The following ANKHD1 variants were observed in gnomAD, a reference collection of about 807,000 sequenced individuals.
ANKHD1 encodes ankyrin repeat and KH domain-containing protein 1.
Under a neutral mutation model 230.5 loss-of-function variants are expected in ANKHD1, and 31 were observed. The ratio of observed to expected loss-of-function variants is 0.13; its 90% CI spans 0.10 to 0.18. ANKHD1 has a LOEUF of 0.18. Ranked by LOEUF, ANKHD1 falls within the 10% of genes least tolerant of loss-of-function variation. ANKHD1 has a pLI of 1.00. For synonymous variants in ANKHD1, 1,074 were observed against 1,117.6 expected, an observed-to-expected ratio of 0.96 and a Z score of 0.78; for missense variants, 2,256 against 3,071.3, an observed-to-expected ratio of 0.73 and a Z score of 6.27.
chr5:140,405,503 C>CT (rs1186442197), intron 1 of ANKHD1, among the ~76,000 whole-genome samples: 4 of 152,114 alleles, frequency 2.6e-5, no homozygotes, highest in Admixed American at 6.6e-5. Context: ...GAGCTGTCTT[C>CT]TTTTATTATT....
chr5:140,489,218 A>G (rs942432068), intron 14 of ANKHD1, among the ~76,000 whole-genome samples: 2 of 151,910 alleles, frequency 1.3e-5, no homozygotes, highest in African/African-American at 4.8e-5. Context: ...GAAAAAGAAA[A>G]AAAATTAGGC....
In ANKHD1 at chr5:140,405,449, G is replaced by A. The variant is rs555638092; in HGVS notation, c.306+3176G>A. On this transcript the variant is annotated intron_variant, in intron 1 of 33. Transcript: ENST00000360839. ...CTTTGTGAATAAAATGACCTGTTTT[G>A]GCCAAGCAAAAATTTTCCCTTTTCT... 9.2e-5 allele frequency among the ~76,000 whole-genome samples: 14 copies of A among 152,008 alleles called. No individual in the cohort carries two copies. The East Asian group carries it at 2.3e-3, about 25-fold the overall frequency.
At chr5:140,453,260 G>C (rs1774894564) in intron 7 of ANKHD1, among the ~76,000 whole-genome samples, 1 of 152,206 alleles carries the variant, frequency 6.6e-6, no homozygotes, top group South Asian at 2.1e-4. Context: ...AAGTGACGGG[G>C]AGAATGGAAC....
intron 31 of ANKHD1, 183 bp downstream of exon 31, chr5:140,537,772 T>C: frequency 9.7e-7 from 1 of 1,034,638 alleles, no homozygotes; most frequent in Non-Finnish European, 1.3e-6. Context: ...GGAATATTGG[T>C]TGAGGTAATA....
intron 1 of ANKHD1, among the ~76,000 whole-genome samples, chr5:140,419,786 CTT>C (rs1491589436): frequency 1.2e-3 from 81 of 64,900 alleles, no homozygotes; most frequent in South Asian, 2.4e-3. Flanking sequence ...TTCTTTCTTT[CTT>C]TCTTTCTTTC....
chr5:140,444,343 C>G (rs1383545986), intron 5 of ANKHD1, among the ~76,000 whole-genome samples: 3 of 152,080 alleles, frequency 2.0e-5, no homozygotes, highest in Non-Finnish European at 2.9e-5. Flanking sequence ...TAGTCAAGTT[C>G]GTATTTTAAT....
chr5:140,413,962 G>T (rs911743417), intron 1 of ANKHD1, among the ~76,000 whole-genome samples: 1 of 152,012 alleles, frequency 6.6e-6, no homozygotes, highest in Admixed American at 6.6e-5. Context: ...TGTATTTTTA[G>T]TGGAGATGGG....
chr5:140,427,895 T>C (rs1319312558), intron 1 of ANKHD1, among the ~76,000 whole-genome samples: 3 of 140,364 alleles, frequency 2.1e-5, no homozygotes, highest in Non-Finnish European at 4.6e-5. Flanking sequence ...GGCTGCCAGG[T>C]GGAGGGGCTC....
intron 24 of ANKHD1, among the ~76,000 whole-genome samples, chr5:140,515,280 C>CAA (rs745898740): frequency 7.8e-6 from 1 of 128,768 alleles, no homozygotes; most frequent in Non-Finnish European, 1.7e-5. Context: ...TCTGTCCCCC[C>CAA]AAAAAAAAAA....
intron 24 of ANKHD1, among the ~76,000 whole-genome samples, chr5:140,520,607 T>C (rs1223030085): frequency 6.6e-6 from 1 of 151,758 alleles, no homozygotes; most frequent in Non-Finnish European, 1.5e-5. Context: ...CCATAAAAAA[T>C]GATGAGTTCA....
intron 1 of ANKHD1, among the ~76,000 whole-genome samples, chr5:140,407,019 T>C (rs972452389): frequency 2.6e-5 from 4 of 151,360 alleles, no homozygotes; most frequent in African/African-American, 9.7e-5. Context: ...ACTTTAGGCC[T>C]GGTGCGGTGG....
intron 29 of ANKHD1, chr5:140,532,843 C>T (rs1282716249): frequency 3.3e-5 from 14 of 418,680 alleles, no homozygotes; most frequent in Non-Finnish European, 5.7e-5. Context: ...CATGGTGGCT[C>T]ACGCCTGTGC....
In ANKHD1 at chr5:140,535,735, A is replaced by G. The variant is rs1754036848; in HGVS notation, c.7027+197A>G. On this transcript the variant is annotated intron_variant, in intron 30 of 33. Coordinates refer to ENST00000360839, the MANE Select transcript of ANKHD1 (RefSeq NM_017747.3). ...TGAGAATTATTCTTTCAAGCCAAAA[A>G]TGTTTTACAGTAGAACTTGGATCAA... is the stretch of plus-strand genomic sequence containing the variant. The G allele has an allele frequency of 3.8e-6, 3 of 787,686 alleles. No homozygotes were observed. The South Asian group carries it at 9.0e-5, about 24-fold the overall frequency. The allele number at this position is 787,686 out of a possible 1,614,324, so 48.8% of individuals were successfully genotyped here.
chr5:140,449,320 C>T lies in ANKHD1; in HGVS notation c.1242+15C>T, dbSNP rs1181491382. On this transcript the variant is annotated intron_variant, in intron 7 of 33. Transcript: ENST00000360839. ...AGGCCTGCATGGTAATTTTAAATTA[C>T]ACTCACTTGAGATTTTATGGGAAGA... 2 of 1,609,486 alleles carry T rather than the reference C, an allele frequency of 1.2e-6. No homozygotes were observed. The highest frequency in any genetic ancestry group is 8.5e-7 in the Non-Finnish European group (1 of 1,177,416).
At chr5:140,537,188 A>G (rs1018611337) in intron 30 of ANKHD1, 107 of 951,412 alleles carry the variant, frequency 1.1e-4, no homozygotes, top group South Asian at 8.1e-4. Context: ...GATAATGTCT[A>G]TAGAAATTAT....
intron 1 of ANKHD1, among the ~76,000 whole-genome samples, chr5:140,419,802 C>CTT (rs1209879226): frequency 2.3e-5 from 2 of 88,858 alleles, no homozygotes; most frequent in South Asian, 8.1e-4. Flanking sequence ...TTCTTTCTTT[C>CTT]TTTCTTTCTT....
intron 20 of ANKHD1, 65 bp downstream of exon 20, chr5:140,508,063 C>T (rs775623283): frequency 2.5e-5 from 38 of 1,539,944 alleles, no homozygotes; most frequent in Middle Eastern, 4.2e-4. Context: ...GGCATTTTAA[C>T]GCAAATTGAA....
intron 1 of ANKHD1, among the ~76,000 whole-genome samples, chr5:140,420,875 G>C (rs1374760018): frequency 1.3e-5 from 2 of 152,108 alleles, no homozygotes; most frequent in African/African-American, 4.8e-5. Context: ...TATAGTAGGA[G>C]GTGTTTAATA....
rs1315443000 is a variant in ANKHD1 at position 140,528,385 on chromosome 5, T to C, written c.5439T>C (p.Thr1813=). The change falls in exon 29 of 34, where the codon ACT becomes ACC. Residue 1813 remains threonine (T), a synonymous_variant. Coordinates refer to ENST00000360839, the MANE Select transcript of ANKHD1 (RefSeq NM_017747.3). ...SKNAFPLGAP[T]LVTSQATTLS... is the part of the protein sequence containing the mutation. ...ATGCATTTCCTTTGGGTGCTCCAAC[T>C]CTTGTAACTTCACAGGCAACAACGT... The C allele has an allele frequency of 6.2e-7, 1 of 1,614,134 alleles. No homozygotes were observed. The highest frequency in any genetic ancestry group is 1.7e-5 in the Admixed American group (1 of 60,006).
Sources: gnomAD v4.1 joint callset for allele counts (sites outside exome capture counted in the v4.1 genomes callset) on GRCh38, gnomAD v4.1.1 for gene constraint, MANE v1.5 for transcripts, NCBI Gene and HGNC (gene_info 2026-07-23, HGNC 2026-07-21) for gene names.